SSH1: variants seen among roughly 807,000 people sequenced by gnomAD.
SSH1 encodes slingshot protein phosphatase 1, also known as protein phosphatase Slingshot homolog 1.
A neutral mutation model predicts 79.7 loss-of-function variants in SSH1; 43 were observed. The ratio of observed to expected loss-of-function variants is 0.54; its 90% confidence interval spans 0.42 to 0.70. SSH1 has a LOEUF of 0.70. SSH1 is among the 30% of genes least tolerant of loss of function. SSH1 has a pLI of 0.00. For synonymous variants in SSH1, 599 were observed against 538.3 expected (o/e 1.11, Z -1.56); for missense variants, 1,206 against 1,358.8 (o/e 0.89, Z 1.77).
At chr12:108,801,806 C>A (rs1399837762) in intron 11 of SSH1, among the ~76,000 whole-genome samples, 1 of 151,674 alleles carries the variant, frequency 6.6e-6, no homozygotes, top group Non-Finnish European at 1.5e-5. Flanking sequence ...TTCATCCCTG[C>A]TGAGTGTTTG....
chr12:108,824,434 G>A (rs1367380742), intron 2 of SSH1, among the ~76,000 whole-genome samples: 8 of 150,002 alleles, frequency 5.3e-5, no homozygotes, highest in Admixed American at 1.3e-4. Flanking sequence ...CAGCCTGGGC[G>A]ACAGAGCAAG....
At chr12:108,792,933 C>A (rs552972303) in intron 13 of SSH1, 104 bp from the exon 14 acceptor site, 5 of 1,384,562 alleles carry the variant, frequency 3.6e-6, no homozygotes, top group East Asian at 2.4e-5. Flanking sequence ...AAGGTCAGGG[C>A]GCCAGGGACG....
intron 5 of SSH1, chr12:108,811,721 G>T: frequency 3.0e-6 from 1 of 331,366 alleles, no homozygotes; most frequent in Non-Finnish European, 5.9e-6. Context: ...CGTTCCCGGA[G>T]CTCACTTTCA....
intron 5 of SSH1, among the ~76,000 whole-genome samples, chr12:108,816,507 C>T (rs2037893302): frequency 6.6e-6 from 1 of 152,192 alleles, no homozygotes; most frequent in African/African-American, 2.4e-5. Context: ...ACTTACTTGG[C>T]CTCCAGTTAG....
Position 108,778,665 on chromosome 12 carries a change from A to G in SSH1, c.*9323T>C, listed in dbSNP as rs1202011354. On this transcript the variant is annotated 3_prime_UTR_variant, in exon 15 of 15. Coordinates refer to ENST00000326495, the MANE Select transcript of SSH1 (RefSeq NM_018984.4). ...GGGGATTTGCATGCATTATCAGTGA[A>G]TTCACCAATGACCCCATGAAGTAGG... The G allele has an allele frequency of 6.6e-6, 1 of 152,470 alleles. No homozygotes were observed. Among genetic ancestry groups the G allele is most frequent in the Non-Finnish European group, 1.5e-5 (1 of 68,190 alleles). The allele number at this position is 152,470 out of a possible 1,614,324, so 9.4% of individuals were successfully genotyped here.
At chr12:108,817,571 T>A (rs1484226393) in intron 4 of SSH1, among the ~76,000 whole-genome samples, 1 of 152,086 alleles carries the variant, frequency 6.6e-6, no homozygotes, top group African/African-American at 2.4e-5. Context: ...TGAGATTCTG[T>A]CTCAAACAAC....
At chr12:108,849,139 GA>G (rs991757994) in intron 2 of SSH1, among the ~76,000 whole-genome samples, 1 of 152,156 alleles carries the variant, frequency 6.6e-6, no homozygotes, top group African/African-American at 2.4e-5. Flanking sequence ...CACCAACCGG[GA>G]AAACCCCCCT....
intron 2 of SSH1, among the ~76,000 whole-genome samples, chr12:108,834,931 C>T (rs2038562663): frequency 6.6e-6 from 1 of 152,106 alleles, no homozygotes; most frequent in East Asian, 1.9e-4. Flanking sequence ...CATCTCTGTG[C>T]CCTGGGCACA....
chr12:108,799,246 G>GT (rs764121356), intron 12 of SSH1, 46 bp from the exon 13 acceptor site: 1 of 1,523,836 alleles, frequency 6.6e-7, no homozygotes, highest in East Asian at 2.3e-5. Flanking sequence ...GGGAGAAGCA[G>GT]TGGGGAAGGA....
At chr12:108,853,465 G>A in intron 1 of SSH1, 1 of 509,492 alleles carries the variant, frequency 2.0e-6, no homozygotes. Context: ...CCATTGAATG[G>A]GAAAGAGAAA....
At chr12:108,823,726 G>T (rs2038213092) in intron 2 of SSH1, among the ~76,000 whole-genome samples, 1 of 151,996 alleles carries the variant, frequency 6.6e-6, no homozygotes, top group Non-Finnish European at 1.5e-5. Context: ...GGAGTACAGT[G>T]GTGTGATCTC....
chr12:108,812,478 A>G (rs2037661654), intron 5 of SSH1, among the ~76,000 whole-genome samples: 1 of 152,194 alleles, frequency 6.6e-6, no homozygotes, highest in Non-Finnish European at 1.5e-5. Context: ...CAGCACAGAG[A>G]GCTGCAGAGA....
At position 108,788,570 on chromosome 12, in the gene SSH1, G is replaced by C. The variant is rs146128442; in HGVS notation, c.2568C>G (p.Pro856=). Residue 856 remains proline (P), a synonymous_variant, in exon 15 of 15, where the codon CCC becomes CCG. Coordinates refer to ENST00000326495, the MANE Select transcript of SSH1 (RefSeq NM_018984.4). ...GPASRLEASI[P]EESQDPAALH... is the part of the protein sequence containing the mutation. Reference sequence around the variant, plus strand: ...GCGCGGCTGGATCCTGGCTCTCCTCGGGGATGCTGGCCTCCAGCCTGCTGG... The same window carrying C: ...GCGCGGCTGGATCCTGGCTCTCCTCCGGGATGCTGGCCTCCAGCCTGCTGG... The C allele has an allele frequency of 3.1e-6, 5 of 1,597,982 alleles. No individual in the cohort carries two copies. In the East Asian group the frequency reaches 6.7e-5, roughly 21 times the overall value.
chr12:108,852,446 G>A (rs540175803), intron 2 of SSH1, among the ~76,000 whole-genome samples, 192 bp downstream of exon 2: 1 of 151,772 alleles, frequency 6.6e-6, no homozygotes, highest in East Asian at 1.9e-4. Context: ...TGGCCAGGAT[G>A]GTCTCGATCT....
chr12:108,840,096 A>C (rs1234544252), intron 2 of SSH1, among the ~76,000 whole-genome samples: 1 of 152,038 alleles, frequency 6.6e-6, no homozygotes, highest in Non-Finnish European at 1.5e-5. Context: ...CTTGTATCTC[A>C]CTGCAATTCT....
Position 108,781,554 on chromosome 12 carries a change from C to T in SSH1, c.*6434G>A, listed in dbSNP as rs1487268990. The stretch of plus-strand genomic sequence containing the variant: ...AGTCCAGTTGAGAGACAGAGCAAGT[C>T]CAGATGAACTGAACAAAATACTTCC... On this transcript the variant is annotated 3_prime_UTR_variant, in exon 15 of 15. Transcript: ENST00000326495. The T allele has an allele frequency of 2.6e-5, 4 of 152,202 alleles. No individual in the cohort carries two copies. The highest frequency in any genetic ancestry group is 9.7e-5 in the African/African-American group (4 of 41,440). The allele number at this position is 152,202 out of a possible 1,614,324, so 9.4% of individuals were successfully genotyped here. A position where few individuals can be genotyped will look rare whatever the true frequency, so the allele number is the denominator to read the frequency against.
chr12:108,827,049 T>C (rs1222357359), intron 2 of SSH1, among the ~76,000 whole-genome samples: 2 of 151,064 alleles, frequency 1.3e-5, no homozygotes, highest in African/African-American at 2.4e-5. Flanking sequence ...AACTGGAATG[T>C]TTTTATCTCC....
intron 2 of SSH1, among the ~76,000 whole-genome samples, chr12:108,851,046 C>G (rs993378291): frequency 2.6e-5 from 4 of 152,064 alleles, no homozygotes; most frequent in Non-Finnish European, 5.9e-5. Context: ...AATCCAGCTG[C>G]TTCTAGCCTG....
At chr12:108,820,514 A>T (rs1033153255) in intron 3 of SSH1, among the ~76,000 whole-genome samples, 2 of 152,204 alleles carry the variant, frequency 1.3e-5, no homozygotes, top group African/African-American at 4.8e-5. Context: ...CCTAAATGAA[A>T]GGGACATTTT....
Sources: allele counts gnomAD v4.1 joint callset (sites outside exome capture counted in the v4.1 genomes callset), GRCh38; gene constraint gnomAD v4.1.1; transcripts MANE v1.5; gene names NCBI Gene and HGNC (gene_info 2026-07-23, HGNC 2026-07-21).